Variants in CTNND2 observed in about 807,000 individuals in gnomAD.
CTNND2 encodes the protein catenin delta-2.
In CTNND2, 22 loss-of-function variants were observed where a neutral mutation model predicts 144.4. The ratio of observed to expected loss-of-function variants is 0.15; its 90% CI spans 0.11 to 0.22. CTNND2 has a LOEUF of 0.22. Ranked by LOEUF, CTNND2 falls within the 10% of genes least tolerant of loss-of-function variation. The pLI, the probability that CTNND2 is intolerant of heterozygous loss-of-function variation, is 1.00. For synonymous variants in CTNND2, 751 were observed against 695.6 expected, an observed-to-expected ratio of 1.08 and a Z score of -1.25; for missense variants, 1,353 against 1,618.8, an observed-to-expected ratio of 0.84 and a Z score of 2.82.
At chr5:11,559,110 T>C (rs1336182439) in intron 3 of CTNND2, among the ~76,000 whole-genome samples, 1 of 152,194 alleles carries the variant, frequency 6.6e-6, no homozygotes, top group East Asian at 1.9e-4. Context: ...TCATTAATTA[T>C]AGAATTAATA....
In CTNND2 at chr5:11,155,402, C is replaced by T. The variant is rs553453246; in HGVS notation, c.2159+4174G>A. Among the ~76,000 whole-genome samples, 5 of 152,340 alleles carry T rather than the reference C, an allele frequency of 3.3e-5. No individual in the cohort carries two copies. The South Asian group carries it at 8.3e-4, about 25-fold the overall frequency. On this transcript the variant is annotated intron_variant, in intron 12 of 21. Transcript: ENST00000304623. ...TCATTTATTCTTACATCCTAAGCCT[C>T]TCCAACATTTTGCCACATTTGTTTG...
intron 2 of CTNND2, among the ~76,000 whole-genome samples, chr5:11,650,766 T>C (rs1782606304): frequency 6.6e-6 from 1 of 151,964 alleles, no homozygotes; most frequent in Non-Finnish European, 1.5e-5. Flanking sequence ...AACTTGGGAG[T>C]GATGATTTAA....
chr5:11,708,688 G>A (rs771220249), intron 2 of CTNND2, among the ~76,000 whole-genome samples: 4 of 152,048 alleles, frequency 2.6e-5, no homozygotes, highest in African/African-American at 4.8e-5. Context: ...CCCCATCCTG[G>A]GAGTGTTGTT....
intron 10 of CTNND2, among the ~76,000 whole-genome samples, chr5:11,215,378 G>A (rs976723391): frequency 2.0e-5 from 3 of 152,200 alleles, no homozygotes; most frequent in Admixed American, 1.3e-4. Context: ...GTACACGACA[G>A]CACTATGTAT....
At chr5:11,114,228 G>A (rs1034961686) in intron 13 of CTNND2, among the ~76,000 whole-genome samples, 5 of 152,116 alleles carry the variant, frequency 3.3e-5, no homozygotes, top group African/African-American at 7.2e-5. Flanking sequence ...CCCACTGTTC[G>A]TCTTCCCTGG....
intron 12 of CTNND2, among the ~76,000 whole-genome samples, chr5:11,124,230 C>A (rs1754432016): frequency 6.6e-6 from 1 of 152,142 alleles, no homozygotes; most frequent in Non-Finnish European, 1.5e-5. Flanking sequence ...CTAATAGCTA[C>A]CCCTTCAAAG....
chr5:11,187,049 G>A (rs1055827335), intron 11 of CTNND2, among the ~76,000 whole-genome samples: 2 of 152,132 alleles, frequency 1.3e-5, no homozygotes, highest in African/African-American at 4.8e-5. Flanking sequence ...GGATTCTCAG[G>A]TTAGGCACAT....
At chr5:11,738,847 C>T (rs1787842218) in intron 1 of CTNND2, among the ~76,000 whole-genome samples, 1 of 152,234 alleles carries the variant, frequency 6.6e-6, no homozygotes, top group African/African-American at 2.4e-5. Context: ...CCTCCCCTCT[C>T]TATAAGCCAT....
intron 1 of CTNND2, among the ~76,000 whole-genome samples, chr5:11,759,732 T>C (rs900861589): frequency 1.3e-5 from 2 of 152,134 alleles, no homozygotes; most frequent in Admixed American, 6.5e-5. Context: ...ATTGTGTACG[T>C]ACTATGGACC....
chr5:11,167,445 T>C (rs1759450922), intron 11 of CTNND2, among the ~76,000 whole-genome samples: 1 of 152,212 alleles, frequency 6.6e-6, no homozygotes, highest in Non-Finnish European at 1.5e-5. Context: ...TCTTTGCTGT[T>C]GCATACAAGG....
intron 8 of CTNND2, among the ~76,000 whole-genome samples, chr5:11,354,105 A>G (rs1381455352): frequency 6.6e-6 from 1 of 152,194 alleles, no homozygotes; most frequent in Non-Finnish European, 1.5e-5. Flanking sequence ...GCCAATCTCT[A>G]GAGAGCCAGA....
At chr5:11,895,110 G>A (rs1737290561) in intron 1 of CTNND2, among the ~76,000 whole-genome samples, 5 of 152,070 alleles carry the variant, frequency 3.3e-5, no homozygotes, top group Admixed American at 2.6e-4. Flanking sequence ...ACTTGAACTT[G>A]AGAAATGAGA....
chr5:11,558,936 C>A (rs188740015), intron 3 of CTNND2, among the ~76,000 whole-genome samples: 4 of 152,056 alleles, frequency 2.6e-5, no homozygotes, highest in Non-Finnish European at 5.9e-5. Flanking sequence ...TTAGGTTCTA[C>A]ACTAGCACCA....
chr5:11,526,821 G>A (rs766583975), intron 3 of CTNND2, among the ~76,000 whole-genome samples: 10 of 152,104 alleles, frequency 6.6e-5, no homozygotes, highest in African/African-American at 1.2e-4. Context: ...ACTGCAGCCC[G>A]AAGTGGAAGG....
intron 16 of CTNND2, 145 bp downstream of exon 16, chr5:11,082,551 G>T: frequency 1.1e-6 from 1 of 886,800 alleles, no homozygotes; most frequent in Non-Finnish European, 1.7e-6. Context: ...ATTTAAATCA[G>T]AAGGACAGCA....
At chr5:11,166,618 T>C (rs1292048550) in intron 11 of CTNND2, among the ~76,000 whole-genome samples, 1 of 151,922 alleles carries the variant, frequency 6.6e-6, no homozygotes. Context: ...GGGAGGGGTA[T>C]AAAGGGGCTG....
Position 11,204,202 on chromosome 5 carries a change from C to T in CTNND2, c.1762-4541G>A, listed in dbSNP as rs148452477. On this transcript the variant is annotated intron_variant, in intron 10 of 21. Coordinates refer to ENST00000304623, the MANE Select transcript of CTNND2 (RefSeq NM_001332.4). ...ACCAATCAAATAAAGCAAAACTATG[C>T]CCTGCCTGTCTTTTGTTTTGTTTTT... Among the ~76,000 whole-genome samples, 214 of 152,308 alleles carry T rather than the reference C, an allele frequency of 1.4e-3. 1 individual carries two copies. The highest frequency in any genetic ancestry group is 4.9e-3 in the African/African-American group (203 of 41,560).
intron 12 of CTNND2, among the ~76,000 whole-genome samples, chr5:11,129,311 T>A (rs368705053): frequency 5.1e-4 from 37 of 72,130 alleles, no homozygotes; most frequent in African/African-American, 1.8e-3. Flanking sequence ...ATTATATATA[T>A]AAATATATAT....
At chr5:11,233,711 CG>C (rs1292420666) in intron 10 of CTNND2, among the ~76,000 whole-genome samples, 4 of 111,846 alleles carry the variant, frequency 3.6e-5, no homozygotes, top group African/African-American at 1.5e-4. Flanking sequence ...TTAGAGTTTA[CG>C]TGTCTGTGTG....
Sources: gnomAD v4.1 joint callset for allele counts (sites outside exome capture counted in the v4.1 genomes callset) on GRCh38, gnomAD v4.1.1 for gene constraint, MANE v1.5 for transcripts, NCBI Gene and HGNC (gene_info 2026-07-23, HGNC 2026-07-21) for gene names.